Variants in ABTB3 observed in about 807,000 individuals in gnomAD.
ABTB3 encodes ankyrin repeat- and BTB/POZ domain-containing protein 3.
chr12:107,573,784 G>T, the ABTB3 span, among the ~76,000 whole-genome samples: 1 of 152,100 alleles, frequency 6.6e-6, no homozygotes, highest in Admixed American at 6.5e-5. Context: ...GGAAAAATCA[G>T]TTTTTTTCTC....
At chr12:107,491,892 G>A in the ABTB3 span, among the ~76,000 whole-genome samples, 2 of 151,916 alleles carry the variant, frequency 1.3e-5, no homozygotes, top group Non-Finnish European at 2.9e-5. Context: ...AGTTTGAGGA[G>A]AAGATTATAA....
the ABTB3 span, among the ~76,000 whole-genome samples, chr12:107,589,293 G>T: frequency 6.6e-6 from 1 of 152,212 alleles, no homozygotes; most frequent in South Asian, 2.1e-4. Context: ...ATCTTGAAGA[G>T]ATGTGGCATT....
the ABTB3 span, among the ~76,000 whole-genome samples, chr12:107,567,009 C>T: frequency 0.099 from 15,129 of 152,164 alleles, 1,120 homozygotes; most frequent in East Asian, 0.25. Context: ...CCCAGCTACT[C>T]AGGAAGCTGA....
chr12:107,575,602 G>T, the ABTB3 span, among the ~76,000 whole-genome samples: 7 of 152,308 alleles, frequency 4.6e-5, no homozygotes, highest in African/African-American at 1.4e-4. Context: ...CTCTGGGAAA[G>T]AATCTATTTC....
chr12:107,355,818 A>G, the ABTB3 span, among the ~76,000 whole-genome samples: 3 of 152,212 alleles, frequency 2.0e-5, no homozygotes, highest in Non-Finnish European at 4.4e-5. Context: ...AACTTTAAAC[A>G]AATTATTTAA....
the ABTB3 span, among the ~76,000 whole-genome samples, chr12:107,487,138 C>A: frequency 1.3e-5 from 2 of 152,112 alleles, no homozygotes; most frequent in African/African-American, 4.8e-5. Context: ...CCCTAGTGCC[C>A]AATGCATAGA....
At chr12:107,540,513 T>C in the ABTB3 span, among the ~76,000 whole-genome samples, 1 of 152,046 alleles carries the variant, frequency 6.6e-6, no homozygotes, top group African/African-American at 2.4e-5. Flanking sequence ...TTTAATCCAG[T>C]CAAGTCGACT....
chr12:107,319,411 C>T, the ABTB3 span: 11 of 1,603,812 alleles, frequency 6.9e-6, no homozygotes, highest in South Asian at 2.2e-5. Flanking sequence ...TCGCCAAGTG[C>T]ACCAAGTACG....
the ABTB3 span, among the ~76,000 whole-genome samples, chr12:107,377,339 T>G: frequency 6.6e-6 from 1 of 152,168 alleles, no homozygotes; most frequent in South Asian, 2.1e-4. Flanking sequence ...TGTCCGGTTT[T>G]GCTTCTCACC....
chr12:107,641,488 G>A, the ABTB3 span, among the ~76,000 whole-genome samples: 2 of 152,302 alleles, frequency 1.3e-5, no homozygotes, highest in South Asian at 4.1e-4. Context: ...CATTATCCAT[G>A]TGTTCCATTG....
chr12:107,603,124 T>C, the ABTB3 span, among the ~76,000 whole-genome samples: 1 of 152,344 alleles, frequency 6.6e-6, no homozygotes, highest in South Asian at 2.1e-4. Context: ...GAGGGCACAC[T>C]TATTTGTCCA....
At chr12:107,354,471 G>A in the ABTB3 span, among the ~76,000 whole-genome samples, 1 of 152,042 alleles carries the variant, frequency 6.6e-6, no homozygotes, top group Non-Finnish European at 1.5e-5. Flanking sequence ...ATCTATTCTG[G>A]ACATTTCATA....
chr12:107,324,177 T>C, the ABTB3 span, among the ~76,000 whole-genome samples: 2 of 152,184 alleles, frequency 1.3e-5, no homozygotes, highest in Admixed American at 6.5e-5. Context: ...GGCACAATGG[T>C]ATCTCATCTC....
At chr12:107,446,585 A>C in the ABTB3 span, among the ~76,000 whole-genome samples, 2 of 152,204 alleles carry the variant, frequency 1.3e-5, no homozygotes, top group Non-Finnish European at 2.9e-5. Flanking sequence ...TGTGACCAAA[A>C]GGAGCTCGGA....
At chr12:107,571,894 G>A in the ABTB3 span, among the ~76,000 whole-genome samples, 2 of 152,198 alleles carry the variant, frequency 1.3e-5, no homozygotes, top group East Asian at 1.9e-4. Context: ...GTTCAGAGCT[G>A]GCACTCTCTA....
chr12:107,461,198 A>G, the ABTB3 span, among the ~76,000 whole-genome samples: 19 of 152,270 alleles, frequency 1.2e-4, no homozygotes, highest in Admixed American at 7.8e-4. Flanking sequence ...ACCCACCCCC[A>G]TGATACAATT....
the ABTB3 span, among the ~76,000 whole-genome samples, chr12:107,415,010 C>T: frequency 0.15 from 22,776 of 152,022 alleles, 2,019 homozygotes; most frequent in Admixed American, 0.26. Context: ...CCAGTGTGCC[C>T]GGCCCGATCA....
At chr12:107,612,813 G>C in the ABTB3 span, 2 of 1,613,766 alleles carry the variant, frequency 1.2e-6, no homozygotes, top group South Asian at 1.1e-5. Context: ...CTGCGTCCGT[G>C]GGGACGAGGC....
chr12:107,325,028 TAC>T, the ABTB3 span, among the ~76,000 whole-genome samples: 19 of 152,342 alleles, frequency 1.2e-4, no homozygotes, highest in South Asian at 3.5e-3. Flanking sequence ...TTAAATCAGA[TAC>T]AGTTTATAAA....
Sources: allele counts gnomAD v4.1 joint callset (sites outside exome capture counted in the v4.1 genomes callset), GRCh38; gene constraint gnomAD v4.1.1; transcripts MANE v1.5; gene names NCBI Gene and HGNC (gene_info 2026-07-23, HGNC 2026-07-21).